Variants in SP140L observed in about 807,000 individuals in gnomAD.
SP140L encodes the protein SP140 like nuclear body protein.
A neutral mutation model predicts 84.3 loss-of-function variants in SP140L; 64 were observed. The ratio of observed to expected loss-of-function variants is 0.76; its 90% confidence interval spans 0.62 to 0.94. The LOEUF is 0.94. SP140L is among the 40% of genes least tolerant of loss of function. The pLI is 0.00. For missense variants in SP140L, 628 were observed against 692.5 expected, an observed-to-expected ratio of 0.91 and a Z score of 1.05; for synonymous variants, 242 against 236.9, an observed-to-expected ratio of 1.02 and a Z score of -0.20.
rs923964686 is a variant in SP140L at position 230,370,853 on chromosome 2, G to A, written c.524-55G>A. ...CATAAATCACAATTTTGCCCCGGGA[G>A]CAGAGCGACCAGCATGTGAAAATGA... is the stretch of plus-strand genomic sequence containing the variant. On this transcript the variant is annotated intron_variant, in intron 5 of 18. Transcript: ENST00000415673. The A allele has an allele frequency of 2.6e-6, 4 of 1,568,594 alleles. No homozygotes were observed. The South Asian group carries it at 4.5e-5, about 18-fold the overall frequency.
rs191887221 is a variant in SP140L at position 230,399,590 on chromosome 2, C to G, written c.1198-537C>G. On this transcript the variant is annotated intron_variant, in intron 14 of 18. Transcript: ENST00000415673. ...TCATGTGTACTCATGGTCCTTCCCC[C>G]TCAAAGGTAGGTGCACAGCCCTCTA... Among the ~76,000 whole-genome samples the G allele has an allele frequency of 5.3e-5, 8 of 152,320 alleles. No individual in the cohort carries two copies. In the South Asian group the frequency reaches 8.3e-4, roughly 16 times the overall value.
intron 8 of SP140L, among the ~76,000 whole-genome samples, chr2:230,384,486 T>C (rs1012561527): frequency 1.2e-4 from 18 of 152,232 alleles, no homozygotes; most frequent in African/African-American, 4.3e-4. Flanking sequence ...TTTAGAGTCC[T>C]ATTGAAAATT....
At chr2:230,364,625 T>C (rs910975806) in intron 5 of SP140L, among the ~76,000 whole-genome samples, 2 of 152,098 alleles carry the variant, frequency 1.3e-5, no homozygotes, top group African/African-American at 4.8e-5. Context: ...TTTGGATGTC[T>C]TTTATTTCTT....
rs1401523152 is a variant in SP140L at position 230,337,776 on chromosome 2, C to G, written c.107+8945C>G. ...AATCCTTTCCCCATTGCTTGTTTTTCTCAGGTTTGTCAAAGATCAGATAGT... is the reference window on the plus strand; with the variant it reads ...AATCCTTTCCCCATTGCTTGTTTTTGTCAGGTTTGTCAAAGATCAGATAGT... On this transcript the variant is annotated intron_variant, in intron 2 of 18. Coordinates refer to ENST00000415673, the MANE Select transcript of SP140L (RefSeq NM_138402.6). Among the ~76,000 whole-genome samples, 4 of 151,984 alleles carry G rather than the reference C, an allele frequency of 2.6e-5. No individual in the cohort carries two copies. The East Asian group carries it at 5.8e-4, about 22-fold the overall frequency.
At chr2:230,333,786 T>C (rs2059792174) in intron 2 of SP140L, among the ~76,000 whole-genome samples, 1 of 152,126 alleles carries the variant, frequency 6.6e-6, no homozygotes, top group Admixed American at 6.5e-5. Flanking sequence ...CTTGTATGTC[T>C]TCTTCTTTTG....
intron 9 of SP140L, among the ~76,000 whole-genome samples, chr2:230,385,806 G>A (rs887796357): frequency 2.0e-5 from 3 of 152,156 alleles, no homozygotes; most frequent in African/African-American, 7.2e-5. Context: ...CCTTCAGCCT[G>A]GGCAAGCCTT....
At chr2:230,370,656 A>G (rs2061034247) in intron 5 of SP140L, among the ~76,000 whole-genome samples, 1 of 152,120 alleles carries the variant, frequency 6.6e-6, no homozygotes, top group African/African-American at 2.4e-5. Context: ...AATATTAAAA[A>G]CAGAAACAGA....
intron 2 of SP140L, among the ~76,000 whole-genome samples, chr2:230,354,569 A>C (rs2060459109): frequency 6.6e-6 from 1 of 152,124 alleles, no homozygotes; most frequent in Non-Finnish European, 1.5e-5. Flanking sequence ...GGAGTTCAAG[A>C]CCAGCATAGG....
intron 15 of SP140L, chr2:230,400,564 G>A (rs2062280564): frequency 2.1e-6 from 1 of 472,852 alleles, no homozygotes; most frequent in Non-Finnish European, 3.9e-6. Flanking sequence ...AACACCAGTT[G>A]TTTATATTTT....
chr2:230,339,915 A>G (rs1460962184), intron 2 of SP140L, among the ~76,000 whole-genome samples: 250 of 149,002 alleles, frequency 1.7e-3, no homozygotes, highest in African/African-American at 6.1e-3. Context: ...TTTACTTCCC[A>G]GTATGTGGTC....
At chr2:230,362,883 T>C (rs1294195236) in intron 5 of SP140L, among the ~76,000 whole-genome samples, 2 of 144,740 alleles carry the variant, frequency 1.4e-5, no homozygotes, top group Non-Finnish European at 3.0e-5. Context: ...GAAAGAAAGA[T>C]ACAGAAAAAA....
At chr2:230,394,080 G>C (rs1459824024) in intron 13 of SP140L, among the ~76,000 whole-genome samples, 1 of 152,238 alleles carries the variant, frequency 6.6e-6, no homozygotes, top group Non-Finnish European at 1.5e-5. Context: ...TGCCATTGGG[G>C]AGGAAGATCT....
rs2149720219 is a variant in SP140L at position 230,353,961 on chromosome 2, T to C, written c.108-3844T>C. On this transcript the variant is annotated intron_variant, in intron 2 of 18. Transcript: ENST00000415673. ...ATTGTTACAGTTGAATCTGAAACCA[T>C]ATTGTTCCACCATATCATTTTCATA... Among the ~76,000 whole-genome samples, 3 of 152,304 alleles carry C rather than the reference T, an allele frequency of 2.0e-5. No individual in the cohort carries two copies. The South Asian group carries it at 6.2e-4, about 32-fold the overall frequency.
At position 230,396,776 on chromosome 2, in the gene SP140L, A is replaced by C. The variant is rs749902723; in HGVS notation, c.1175A>C (p.Asn392Thr). ...CAACAGAGAATACTGAAGTCTCAAA[A>C]CAATAGCTCAGTTGACCCTTGTGTA... is the stretch of plus-strand genomic sequence containing the variant. ...RNKKRILKSQ[N>T]NSSVDPCMRN... Residue 392 changes from asparagine (N) to threonine (T), a missense_variant, in exon 14 of 19, where the codon AAC (asparagine) becomes ACC (threonine). Asn to Thr is a moderately conservative substitution (Grantham distance 65, BLOSUM62 0). This residue lies in a region of SP140L where 525 missense variants were observed against 518.4 expected (regional missense o/e 1.01). Transcript: ENST00000415673. 1 of 1,614,076 alleles carries C rather than the reference A, an allele frequency of 6.2e-7. No homozygotes were observed.
chr2:230,393,539 T>A, intron 13 of SP140L, 78 bp downstream of exon 13: 1 of 1,426,082 alleles, frequency 7.0e-7, no homozygotes. Context: ...TTATGGAGTC[T>A]CCAATTGGGT....
At chr2:230,342,447 C>T (rs539180003) in intron 2 of SP140L, among the ~76,000 whole-genome samples, 1 of 152,364 alleles carries the variant, frequency 6.6e-6, no homozygotes, top group African/African-American at 2.4e-5. Flanking sequence ...AGAAATCACC[C>T]ATCTTCTGCG....
intron 9 of SP140L, among the ~76,000 whole-genome samples, chr2:230,387,582 T>C (rs1017926929): frequency 2.6e-5 from 4 of 152,156 alleles, no homozygotes; most frequent in Non-Finnish European, 5.9e-5. Flanking sequence ...TTGGAAAATA[T>C]TTTTCCATGG....
chr2:230,359,105 A>T lies in SP140L; in HGVS notation c.412A>T (p.Ile138Phe). 6.2e-7 allele frequency: 1 copy of T among 1,604,568 alleles called. No individual in the cohort carries two copies. Among genetic ancestry groups the T allele is most frequent in the South Asian group, 1.1e-5 (1 of 88,956 alleles). The change falls in exon 4 of 19, where the codon ATT (isoleucine) becomes TTT (phenylalanine). Residue 138 changes from isoleucine (I) to phenylalanine (F), a missense_variant. Coordinates refer to ENST00000415673, the MANE Select transcript of SP140L (RefSeq NM_138402.6). ...EVNMQEYPDL[I>F]HIYKSFKNAI... ...CAACATGCAGGAATACCCCGATTTA[A>T]TTCACATTTATAAAAGCTTCAAAAA...
chr2:230,332,092 C>G (rs1398602904), intron 2 of SP140L, among the ~76,000 whole-genome samples: 3 of 152,056 alleles, frequency 2.0e-5, no homozygotes, highest in Non-Finnish European at 4.4e-5. Context: ...TGACAGATGC[C>G]TTTTATCAAG....
Sources: allele counts gnomAD v4.1 joint callset (sites outside exome capture counted in the v4.1 genomes callset), GRCh38; gene constraint gnomAD v4.1.1; regional missense constraint gnomAD v4.1.1; transcripts MANE v1.5; gene names NCBI Gene and HGNC (gene_info 2026-07-23, HGNC 2026-07-21).